Variants in RYR2 observed in about 807,000 individuals in gnomAD.
The protein encoded by RYR2 is cardiac muscle ryanodine receptor-calcium release channel.
In RYR2, 227 loss-of-function variants were observed where a neutral mutation model predicts 601.1. The observed-to-expected ratio is 0.38, with a 90% CI of 0.34 to 0.42. The LOEUF (loss-of-function observed/expected upper bound fraction) is 0.42. Ranked by LOEUF, RYR2 falls within the 10% of genes least tolerant of loss-of-function variation. The pLI, the probability that RYR2 is intolerant of heterozygous loss-of-function variation, is 1.00. For missense variants in RYR2, 4,646 were observed against 6,156.5 expected (o/e 0.75, Z 8.21); for synonymous variants, 2,223 against 2,175.1 (o/e 1.02, Z -0.61).
chr1:237,541,389 G>A (rs1025233422), intron 25 of RYR2, among the ~76,000 whole-genome samples: 9 of 152,142 alleles, frequency 5.9e-5, no homozygotes, highest in Non-Finnish European at 5.9e-5. Flanking sequence ...TCACCTTTAA[G>A]TCTTGATTCC....
intron 2 of RYR2, among the ~76,000 whole-genome samples, chr1:237,309,611 G>A (rs1694298524): frequency 6.6e-6 from 1 of 152,244 alleles, no homozygotes; most frequent in South Asian, 2.1e-4. Context: ...GCTGCCACCA[G>A]TCCCGCACTG....
chr1:237,050,512 A>C (rs1558144015), intron 1 of RYR2, among the ~76,000 whole-genome samples: 1 of 152,210 alleles, frequency 6.6e-6, no homozygotes, highest in African/African-American at 2.4e-5. Context: ...TTGTTTTTCT[A>C]CTATGGCAAG....
intron 1 of RYR2, among the ~76,000 whole-genome samples, chr1:237,118,866 TA>T (rs1670437290): frequency 6.6e-6 from 1 of 152,102 alleles, no homozygotes; most frequent in African/African-American, 2.4e-5. Context: ...GTTCAATATT[TA>T]AAGAAACCGG....
intron 97 of RYR2, chr1:237,799,941 C>CTAA (rs1176864954): frequency 6.6e-6 from 1 of 151,982 alleles, no homozygotes; most frequent in Non-Finnish European, 1.5e-5. Flanking sequence ...TATAGTTTAC[C>CTAA]CTTGACTGGA....
intron 1 of RYR2, among the ~76,000 whole-genome samples, chr1:237,064,763 T>C (rs1249045378): frequency 6.3e-5 from 4 of 63,832 alleles, no homozygotes; most frequent in East Asian, 6.9e-4. Flanking sequence ...TTTTTTTTTT[T>C]TTTTTTTTTT....
chr1:237,274,459 A>G (rs145668100), intron 2 of RYR2, among the ~76,000 whole-genome samples: 4 of 152,266 alleles, frequency 2.6e-5, no homozygotes, highest in African/African-American at 4.8e-5. Flanking sequence ...CAAAGATATA[A>G]AGAAAATATT....
Position 237,784,637 on chromosome 1 carries a change from A to G in RYR2, c.12925A>G (p.Ile4309Val). ...CGTTTTCAGAGGCTTTTTCCGCATC[A>G]TTTGCAGCCTGCTGCTTGGGGGAAG... The part of the protein sequence containing the change: ...ASVFRGFFRI[I>V]CSLLLGGSLV... Residue 4309 changes from isoleucine to valine, a missense_variant, in exon 90 of 105, where the codon ATT becomes GTT. Transcript: ENST00000366574. The surrounding 1 kb of genome is among the most constrained non-coding windows in gnomAD (Gnocchi z 7.1). The G allele has an allele frequency of 1.2e-6, 2 of 1,613,548 alleles. No individual in the cohort carries two copies. The highest frequency in any genetic ancestry group is 1.7e-6 in the Non-Finnish European group (2 of 1,179,718).
intron 2 of RYR2, among the ~76,000 whole-genome samples, chr1:237,305,189 A>G (rs775369517): frequency 9.2e-5 from 14 of 152,200 alleles, no homozygotes; most frequent in Non-Finnish European, 1.8e-4. Context: ...GGAAACATAC[A>G]TAAGAGTATT....
chr1:237,603,874 A>G (rs1676796323), intron 35 of RYR2, among the ~76,000 whole-genome samples: 2 of 152,256 alleles, frequency 1.3e-5, no homozygotes, highest in African/African-American at 4.8e-5. Context: ...AAAGCTAACT[A>G]TCCTAAATAT....
chr1:237,826,520 A>G (rs1018377960), intron 101 of RYR2, among the ~76,000 whole-genome samples: 3 of 152,122 alleles, frequency 2.0e-5, no homozygotes, highest in Non-Finnish European at 2.9e-5. Context: ...TTGGGATAGC[A>G]TTAGGAAAAA....
In RYR2 at chr1:237,042,321, G is replaced by A. The variant is rs1042343086; in HGVS notation, c.-201G>A. On this transcript the variant is annotated 5_prime_UTR_variant, in exon 1 of 105. Coordinates refer to ENST00000366574, the MANE Select transcript of RYR2 (RefSeq NM_001035.3). ...ACAGTGCGGAGCAGGGAGGCCCCGC[G>A]CCTCGACCACCCGCGCCCGAGCGTC... 3.4e-6 allele frequency: 1 copy of A among 293,302 alleles called. No individual in the cohort carries two copies. The highest frequency in any genetic ancestry group is 5.9e-6 in the Non-Finnish European group (1 of 170,056). 18.2% of individuals were successfully genotyped at this position (293,302 alleles called of 1,614,324 possible). A position where few individuals can be genotyped will look rare whatever the true frequency, so the allele number is the denominator to read the frequency against.
At chr1:237,361,897 T>C (rs1272796103) in intron 4 of RYR2, among the ~76,000 whole-genome samples, 1 of 152,232 alleles carries the variant, frequency 6.6e-6, no homozygotes, top group Non-Finnish European at 1.5e-5. Flanking sequence ...TTTGTTTTTC[T>C]ATTCATAATC....
At chr1:237,597,454 G>T (rs1422993648) in intron 34 of RYR2, among the ~76,000 whole-genome samples, 1 of 151,726 alleles carries the variant, frequency 6.6e-6, no homozygotes. Context: ...GGTAATTTTT[G>T]TATTTTTAAT....
At chr1:237,381,819 C>A (rs1572065518) in intron 8 of RYR2, among the ~76,000 whole-genome samples, 1 of 152,120 alleles carries the variant, frequency 6.6e-6, no homozygotes, top group Non-Finnish European at 1.5e-5. Flanking sequence ...AAACGCCTCA[C>A]CCAGATAATG....
rs529711647 is a variant in RYR2, at chr1:237,444,754, T to G, written c.1171-647T>G. Among the ~76,000 whole-genome samples, 38 of 152,334 alleles carry G rather than the reference T, an allele frequency of 2.5e-4. No individual in the cohort carries two copies. In the East Asian group the frequency reaches 7.3e-3, roughly 29 times the overall value. ...CATGGAACTGTTTTCTTAAGATTTT[T>G]GCATTTCTCTTTCCTAACATTATAG... is the stretch of plus-strand genomic sequence containing the variant. On this transcript the variant is annotated intron_variant, in intron 13 of 104. Transcript: ENST00000366574.
intron 87 of RYR2, 43 bp downstream of exon 87, chr1:237,773,691 A>T: frequency 6.4e-7 from 1 of 1,565,142 alleles, no homozygotes; most frequent in Non-Finnish European, 8.7e-7. Context: ...ACTGAACTCC[A>T]TAGAAAAATG....
chr1:237,248,585 C>G (rs1687140499), intron 1 of RYR2, among the ~76,000 whole-genome samples: 1 of 151,878 alleles, frequency 6.6e-6, no homozygotes, highest in African/African-American at 2.4e-5. Context: ...TTTAATGTAA[C>G]TGGGTATAAG....
intron 101 of RYR2, among the ~76,000 whole-genome samples, chr1:237,827,150 A>G (rs1401747984): frequency 1.3e-5 from 2 of 152,186 alleles, no homozygotes; most frequent in African/African-American, 4.8e-5. Context: ...AGGGACTCAT[A>G]ATTCATTCAT....
intron 2 of RYR2, among the ~76,000 whole-genome samples, chr1:237,302,851 A>G (rs143370882): frequency 1.3e-5 from 2 of 152,322 alleles, no homozygotes; most frequent in East Asian, 3.9e-4. Flanking sequence ...AAATTCCTAA[A>G]AATGGAATTC....
Sources: gnomAD v4.1 joint callset for allele counts (sites outside exome capture counted in the v4.1 genomes callset) on GRCh38, gnomAD v4.1.1 for gene constraint, Gnocchi (gnomAD v3.1) non-coding constraint, MANE v1.5 for transcripts, NCBI Gene and HGNC (gene_info 2026-07-23, HGNC 2026-07-21) for gene names.